TMEM62: variants seen among roughly 807,000 people sequenced by gnomAD.
TMEM62 encodes transmembrane protein 62.
Under a neutral mutation model 70.4 loss-of-function variants are expected in TMEM62, and 41 were observed. That is an observed-to-expected ratio of 0.58 (90% CI 0.45 to 0.76). TMEM62 has a LOEUF of 0.76. Among genes scored for constraint, TMEM62 ranks in the 30% least tolerant of loss-of-function variants. The probability of loss-of-function intolerance (pLI) is 0.00; values close to 1 mark genes in which losing one functional copy is unlikely to be tolerated. For synonymous variants in TMEM62, 268 were observed against 291.0 expected (o/e 0.92, Z 0.80); for missense variants, 688 against 788.5 (o/e 0.87, Z 1.53).
rs146135914 is a variant in TMEM62, at chr15:43,149,061, A to G, written c.776A>G (p.His259Arg). 3 of 1,613,986 alleles carry G rather than the reference A, an allele frequency of 1.9e-6. No homozygotes were observed. Among genetic ancestry groups the G allele is most frequent in the African/African-American group, 2.7e-5 (2 of 74,884 alleles). The change falls in exon 7 of 14, where the codon CAT (histidine) becomes CGT (arginine). Residue 259 changes from histidine (H) to arginine (R), a missense_variant. By Grantham distance (29) the His-to-Arg change is conservative. Coordinates refer to ENST00000260403, the MANE Select transcript of TMEM62 (RefSeq NM_024956.4). The stretch of plus-strand genomic sequence containing the variant: ...ATAGCTTATTTGTGTGGACATCTCC[A>G]TACACTTGGTGGACTGATGCCTGTT... ...SAIAYLCGHLHTLGGLMPVLH... is the reference protein window; with the variant it reads ...SAIAYLCGHLRTLGGLMPVLH...
intron 9 of TMEM62, among the ~76,000 whole-genome samples, chr15:43,156,998 T>TC (rs1314899751): frequency 1.3e-5 from 2 of 152,190 alleles, no homozygotes; most frequent in Non-Finnish European, 2.9e-5. Context: ...GGGAACCTGG[T>TC]CCCTTCATTC....
chr15:43,178,574 G>T (rs377519656), intron 11 of TMEM62, 33 bp from the exon 12 acceptor site: 7 of 1,386,444 alleles, frequency 5.0e-6, no homozygotes, highest in Non-Finnish European at 7.2e-6. Flanking sequence ...CTTTGCATGT[G>T]TTCACTGGGT....
At chr15:43,135,745 G>C (rs2035135015) in intron 3 of TMEM62, 96 bp downstream of exon 3, 3 of 1,391,168 alleles carry the variant, frequency 2.2e-6, no homozygotes, top group Non-Finnish European at 2.9e-6. Context: ...TATAAAGTGG[G>C]ACATTTACAT....
intron 10 of TMEM62, among the ~76,000 whole-genome samples, chr15:43,167,174 C>T (rs1057409046): frequency 1.3e-5 from 2 of 151,244 alleles, no homozygotes; most frequent in Non-Finnish European, 3.0e-5. Context: ...GCTGACCCCC[C>T]CACCTCCCTC....
chr15:43,138,760 A>T, intron 4 of TMEM62, 141 bp downstream of exon 4: 2 of 682,290 alleles, frequency 2.9e-6, no homozygotes, highest in Non-Finnish European at 5.1e-6. Flanking sequence ...GCTAGCTCTG[A>T]ACTGAGCTCA....
At chr15:43,135,403 A>G in intron 2 of TMEM62, 109 bp from the exon 3 acceptor site, 1 of 1,131,514 alleles carries the variant, frequency 8.8e-7, no homozygotes, top group Non-Finnish European at 1.2e-6. Flanking sequence ...ATGCTTATAC[A>G]CGTTGAGTGC....
rs748886644 is a variant in TMEM62, at chr15:43,184,619, A to G, written c.*33A>G. The G allele has an allele frequency of 2.6e-5, 41 of 1,580,314 alleles. No homozygotes were observed. The highest frequency in any genetic ancestry group is 3.4e-5 in the Non-Finnish European group (40 of 1,161,186). Reference sequence around the variant, plus strand: ...GTCTCACCACTGGCAGCTGGGCAGAAGCCCAGCCTCTGTGTCTGTAGCCCA... The same window carrying G: ...GTCTCACCACTGGCAGCTGGGCAGAGGCCCAGCCTCTGTGTCTGTAGCCCA... On this transcript the variant is annotated 3_prime_UTR_variant, in exon 14 of 14. Coordinates refer to ENST00000260403, the MANE Select transcript of TMEM62 (RefSeq NM_024956.4).
chr15:43,172,809 A>C (rs2040334911), intron 11 of TMEM62, among the ~76,000 whole-genome samples: 1 of 152,232 alleles, frequency 6.6e-6, no homozygotes, highest in African/African-American at 2.4e-5. Context: ...TATTAAAAAA[A>C]TAAAAACATA....
rs369570656 is a variant in TMEM62 at position 43,173,145 on chromosome 15, A to C, written c.1381+3468A>C. Among the ~76,000 whole-genome samples, 5 of 152,164 alleles carry C rather than the reference A, an allele frequency of 3.3e-5. No individual in the cohort carries two copies. In the East Asian group the frequency reaches 9.6e-4, roughly 29 times the overall value. On this transcript the variant is annotated intron_variant, in intron 11 of 13. Transcript: ENST00000260403. ...CAGGAGGCTGAGGTTGCAGTGAGCC[A>C]AGACTGCGCCACTGCACTCCAGCCT...
chr15:43,168,285 A>G (rs540150816), intron 10 of TMEM62, among the ~76,000 whole-genome samples: 2 of 151,630 alleles, frequency 1.3e-5, no homozygotes, highest in Non-Finnish European at 2.9e-5. Context: ...GCCTGCCTGG[A>G]TATGTGGGAG....
chr15:43,142,496 G>A (rs1292750879), intron 4 of TMEM62, among the ~76,000 whole-genome samples: 2 of 151,746 alleles, frequency 1.3e-5, no homozygotes, highest in Middle Eastern at 3.2e-3. Context: ...GTCAATTGAT[G>A]TAGCAAACTT....
intron 10 of TMEM62, among the ~76,000 whole-genome samples, chr15:43,165,499 C>T (rs2039287839): frequency 1.3e-5 from 2 of 151,918 alleles, no homozygotes; most frequent in African/African-American, 2.4e-5. Flanking sequence ...TTTGGGAGGC[C>T]GAGGTGGGCG....
At chr15:43,140,189 A>G (rs1160177774) in intron 4 of TMEM62, among the ~76,000 whole-genome samples, 2 of 152,160 alleles carry the variant, frequency 1.3e-5, no homozygotes, top group Non-Finnish European at 2.9e-5. Flanking sequence ...CCAACCCCAG[A>G]AAGATGACTG....
intron 7 of TMEM62, among the ~76,000 whole-genome samples, chr15:43,149,641 T>G (rs1170293371): frequency 1.3e-5 from 2 of 152,082 alleles, no homozygotes; most frequent in African/African-American, 4.8e-5. Context: ...AGGCTGGTCT[T>G]GAACTCTTGA....
At chr15:43,183,207 G>A (rs777017351) in intron 13 of TMEM62, among the ~76,000 whole-genome samples, 18 of 152,118 alleles carry the variant, frequency 1.2e-4, no homozygotes, top group Non-Finnish European at 2.1e-4. Flanking sequence ...TGCTTCCAAT[G>A]CATATCTTGA....
intron 10 of TMEM62, among the ~76,000 whole-genome samples, chr15:43,166,182 G>A (rs1014882605): frequency 6.6e-6 from 1 of 152,222 alleles, no homozygotes; most frequent in Non-Finnish European, 1.5e-5. Flanking sequence ...AGCCTTACGT[G>A]GGCTTGGTGG....
At chr15:43,151,734 C>T in intron 7 of TMEM62, 56 bp from the exon 8 acceptor site, 1 of 1,514,550 alleles carries the variant, frequency 6.6e-7, no homozygotes, top group Non-Finnish European at 9.0e-7. Context: ...ATATTACCTT[C>T]ATGACCTCTT....
rs920814844 is a variant in TMEM62, at chr15:43,133,781, C to T, written c.-22C>T. On this transcript the variant is annotated 5_prime_UTR_variant, in exon 1 of 14. Coordinates refer to ENST00000260403, the MANE Select transcript of TMEM62 (RefSeq NM_024956.4). ...GGTCCTGCGCGGGATCAGCGAGGGCCGCGCCCCGGCGGGCGGGCGGCATGG... is the reference window on the plus strand; with the variant it reads ...GGTCCTGCGCGGGATCAGCGAGGGCTGCGCCCCGGCGGGCGGGCGGCATGG... The T allele has an allele frequency of 3.1e-5, 42 of 1,348,158 alleles. No homozygotes were observed. The highest frequency in any genetic ancestry group is 3.9e-5 in the Non-Finnish European group (41 of 1,059,118). The allele number at this position is 1,348,158 out of a possible 1,614,324, so 83.5% of individuals were successfully genotyped here. A position where few individuals can be genotyped will look rare whatever the true frequency, so the allele number is the denominator to read the frequency against.
chr15:43,167,161 G>C (rs1299028233), intron 10 of TMEM62, among the ~76,000 whole-genome samples: 2 of 150,984 alleles, frequency 1.3e-5, no homozygotes, highest in Admixed American at 6.6e-5. Flanking sequence ...GGCCAGGCGG[G>C]GGGCTGACCC....
Sources: gnomAD v4.1 joint callset for allele counts (sites outside exome capture counted in the v4.1 genomes callset) on GRCh38, gnomAD v4.1.1 for gene constraint, MANE v1.5 for transcripts, NCBI Gene and HGNC (gene_info 2026-07-23, HGNC 2026-07-21) for gene names.